The following RPS6KC1 variants were observed in gnomAD, a reference collection of about 807,000 sequenced individuals.
RPS6KC1 encodes ribosomal protein S6 kinase C1.
A neutral mutation model predicts 103.8 loss-of-function variants in RPS6KC1; 54 were observed. The observed-to-expected ratio is 0.52, with a 90% CI of 0.42 to 0.65. The LOEUF (loss-of-function observed/expected upper bound fraction) is 0.65, where lower values mean the gene tolerates loss of function less well. RPS6KC1 is among the 30% of genes least tolerant of loss of function. The probability of loss-of-function intolerance (pLI) is 0.00; values close to 1 mark genes in which losing one functional copy is unlikely to be tolerated. For missense variants in RPS6KC1, 1,151 were observed against 1,253.8 expected (o/e 0.92, Z 1.24); for synonymous variants, 439 against 438.7 (o/e 1.00, Z -0.01).
chr1:213,563,141 T>C, the RPS6KC1 span, among the ~76,000 whole-genome samples: 1 of 152,354 alleles, frequency 6.6e-6, no homozygotes, highest in African/African-American at 2.4e-5. Context: ...TTCATATATT[T>C]CAGAGTTATG....
At chr1:213,366,773 C>A in the RPS6KC1 span, among the ~76,000 whole-genome samples, 2 of 152,196 alleles carry the variant, frequency 1.3e-5, no homozygotes, top group African/African-American at 2.4e-5. Context: ...AGTTTTAATT[C>A]CTCCAGTGGC....
the RPS6KC1 span, among the ~76,000 whole-genome samples, chr1:213,841,617 C>A: frequency 2.6e-5 from 4 of 152,300 alleles, no homozygotes; most frequent in African/African-American, 7.2e-5. Flanking sequence ...CCCACCATTG[C>A]CTTCCCAACC....
the RPS6KC1 span, among the ~76,000 whole-genome samples, chr1:213,577,014 G>A: frequency 6.6e-6 from 1 of 152,170 alleles, no homozygotes; most frequent in African/African-American, 2.4e-5. Flanking sequence ...TTAAGCCAAA[G>A]CCTAATCCAG....
At chr1:213,359,446 G>A in the RPS6KC1 span, among the ~76,000 whole-genome samples, 1 of 152,086 alleles carries the variant, frequency 6.6e-6, no homozygotes, top group East Asian at 1.9e-4. Context: ...GAGCCTATGT[G>A]TGTCTCTGCA....
chr1:213,569,924 T>C, the RPS6KC1 span, among the ~76,000 whole-genome samples: 1 of 152,150 alleles, frequency 6.6e-6, no homozygotes, highest in Admixed American at 6.5e-5. Flanking sequence ...ATCCTTTCCA[T>C]AGGAAGTTAA....
the RPS6KC1 span, among the ~76,000 whole-genome samples, chr1:213,814,623 G>C: frequency 6.6e-6 from 1 of 152,124 alleles, no homozygotes; most frequent in South Asian, 2.1e-4. Flanking sequence ...TAAAATCCAT[G>C]TCACTAACCA....
At chr1:213,311,912 T>TC in the RPS6KC1 span, among the ~76,000 whole-genome samples, 17 of 147,002 alleles carry the variant, frequency 1.2e-4, no homozygotes, top group African/African-American at 3.2e-4. Context: ...TTTTTTTTTT[T>TC]CCCAAGATGG....
chr1:213,826,371 G>A, the RPS6KC1 span, among the ~76,000 whole-genome samples: 2 of 152,086 alleles, frequency 1.3e-5, no homozygotes, highest in South Asian at 4.1e-4. Context: ...CCCTGCAAAT[G>A]TGCATAGAAT....
the RPS6KC1 span, among the ~76,000 whole-genome samples, chr1:213,558,726 C>T: frequency 1.3e-5 from 2 of 152,228 alleles, no homozygotes; most frequent in East Asian, 3.9e-4. Flanking sequence ...GATGTGTAAA[C>T]AGACTGTAAC....
the RPS6KC1 span, among the ~76,000 whole-genome samples, chr1:213,495,367 G>A: frequency 6.6e-6 from 1 of 152,002 alleles, no homozygotes; most frequent in East Asian, 1.9e-4. Context: ...TGTTGCCCAG[G>A]CTGGAATGCA....
chr1:213,687,161 C>T, the RPS6KC1 span, among the ~76,000 whole-genome samples: 4 of 152,304 alleles, frequency 2.6e-5, no homozygotes, highest in East Asian at 5.8e-4. Context: ...TGCCAACCTC[C>T]TATTTTATCC....
At chr1:213,674,848 G>A in the RPS6KC1 span, among the ~76,000 whole-genome samples, 1 of 152,044 alleles carries the variant, frequency 6.6e-6, no homozygotes, top group Admixed American at 6.5e-5. Context: ...GGTATAAGAT[G>A]GTATCTCATT....
At chr1:213,121,288 T>G (rs1178736518) in intron 5 of RPS6KC1, among the ~76,000 whole-genome samples, 3 of 152,172 alleles carry the variant, frequency 2.0e-5, no homozygotes, top group African/African-American at 7.2e-5. Context: ...GAAACCCCTT[T>G]AAGGTTTTGT....
At chr1:213,839,808 T>C in the RPS6KC1 span, 3 of 152,158 alleles carry the variant, frequency 2.0e-5, no homozygotes, top group African/African-American at 7.2e-5. Context: ...CTAAATAAGA[T>C]ATAAGAATAA....
At chr1:213,355,852 G>A in the RPS6KC1 span, among the ~76,000 whole-genome samples, 3 of 152,208 alleles carry the variant, frequency 2.0e-5, no homozygotes, top group South Asian at 2.1e-4. Flanking sequence ...GAGCCAGGCT[G>A]TCTGGGTCTA....
At chr1:213,542,100 AT>A in the RPS6KC1 span, among the ~76,000 whole-genome samples, 4,231 of 152,246 alleles carry the variant, frequency 0.028, 192 homozygotes, top group African/African-American at 0.095. Flanking sequence ...AGGAGGAATA[AT>A]TGATCCACTT....
the RPS6KC1 span, among the ~76,000 whole-genome samples, chr1:213,459,182 A>G: frequency 6.6e-6 from 1 of 152,328 alleles, no homozygotes; most frequent in East Asian, 1.9e-4. Flanking sequence ...AAGGAATGGT[A>G]CCAGCTCCTG....
the RPS6KC1 span, among the ~76,000 whole-genome samples, chr1:213,708,198 G>A: frequency 2.6e-5 from 4 of 152,090 alleles, no homozygotes; most frequent in Non-Finnish European, 5.9e-5. Flanking sequence ...ACTTGTTTGT[G>A]TCCTCTCTTA....
At chr1:213,193,488 C>T (rs1183352348) in intron 8 of RPS6KC1, among the ~76,000 whole-genome samples, 2 of 152,110 alleles carry the variant, frequency 1.3e-5, no homozygotes, top group African/African-American at 4.8e-5. Flanking sequence ...CCTTGAACTC[C>T]TGAACTCAAG....
Sources: allele counts gnomAD v4.1 joint callset (sites outside exome capture counted in the v4.1 genomes callset), GRCh38; gene constraint gnomAD v4.1.1; transcripts MANE v1.5; gene names NCBI Gene and HGNC (gene_info 2026-07-23, HGNC 2026-07-21).